Variants in LRBA observed in about 807,000 individuals in gnomAD.
LRBA encodes the protein lipopolysaccharide-responsive and beige-like anchor protein.
A neutral mutation model predicts 330.0 loss-of-function variants in LRBA; 176 were observed. The ratio of observed to expected loss-of-function variants is 0.53; its 90% CI spans 0.47 to 0.60. The LOEUF (loss-of-function observed/expected upper bound fraction) is 0.60, where lower values mean the gene tolerates loss of function less well. Among genes scored for constraint, LRBA ranks in the 20% least tolerant of loss-of-function variants. LRBA has a pLI of 0.00. For missense variants in LRBA, 3,259 were observed against 3,444.8 expected (o/e 0.95, Z 1.35); for synonymous variants, 1,230 against 1,193.0 (o/e 1.03, Z -0.64).
chr4:150,898,739 A>C (rs919524657), intron 14 of LRBA, among the ~76,000 whole-genome samples: 3 of 152,122 alleles, frequency 2.0e-5, no homozygotes, highest in Non-Finnish European at 4.4e-5. Flanking sequence ...GTCACTAATC[A>C]GTTATAAAAG....
At chr4:150,776,182 TG>T (rs1737305068) in intron 34 of LRBA, among the ~76,000 whole-genome samples, 1 of 152,134 alleles carries the variant, frequency 6.6e-6, no homozygotes, top group South Asian at 2.1e-4. Context: ...CTGGGTGCAG[TG>T]GTGCACGCCT....
intron 37 of LRBA, among the ~76,000 whole-genome samples, chr4:150,625,757 T>C (rs1253503469): frequency 6.6e-6 from 1 of 151,508 alleles, no homozygotes; most frequent in Non-Finnish European, 1.5e-5. Context: ...TTGCCCAGGC[T>C]GGAGTGCAGT....
At chr4:150,440,043 A>G (rs1489494273) in intron 44 of LRBA, among the ~76,000 whole-genome samples, 2 of 152,214 alleles carry the variant, frequency 1.3e-5, no homozygotes, top group Non-Finnish European at 2.9e-5. Flanking sequence ...TCTTACTTAT[A>G]TAGTATATTA....
At chr4:150,428,947 C>T (rs1033477972) in intron 46 of LRBA, among the ~76,000 whole-genome samples, 1 of 152,102 alleles carries the variant, frequency 6.6e-6, no homozygotes, top group African/African-American at 2.4e-5. Context: ...CATTTCATCA[C>T]ATTATTAATT....
intron 52 of LRBA, among the ~76,000 whole-genome samples, chr4:150,303,441 G>A (rs1469152099): frequency 1.3e-5 from 2 of 152,182 alleles, no homozygotes; most frequent in Admixed American, 1.3e-4. Context: ...GTGAAATCAA[G>A]ATGGTAATGA....
At chr4:150,566,755 C>A (rs1284620116) in intron 40 of LRBA, among the ~76,000 whole-genome samples, 1 of 152,030 alleles carries the variant, frequency 6.6e-6, no homozygotes, top group Admixed American at 6.6e-5. Flanking sequence ...TACTCACAAT[C>A]AAAATATACA....
intron 2 of LRBA, among the ~76,000 whole-genome samples, chr4:150,930,612 C>T (rs939181939): frequency 1.3e-5 from 2 of 152,114 alleles, no homozygotes; most frequent in African/African-American, 4.8e-5. Context: ...AATTAAAATT[C>T]CATTCAGCAG....
chr4:150,609,929 C>T (rs1351029730), intron 37 of LRBA, among the ~76,000 whole-genome samples: 2 of 152,108 alleles, frequency 1.3e-5, no homozygotes, highest in Non-Finnish European at 2.9e-5. Context: ...ACATGATGAA[C>T]TTGGAAGTAA....
chr4:150,288,986 A>T (rs1366604634), intron 53 of LRBA, among the ~76,000 whole-genome samples: 1 of 152,176 alleles, frequency 6.6e-6, no homozygotes, highest in Non-Finnish European at 1.5e-5. Context: ...GGATGATGTC[A>T]CTTAAGAACA....
intron 47 of LRBA, among the ~76,000 whole-genome samples, chr4:150,350,553 G>A (rs1737001745): frequency 7.2e-6 from 1 of 138,744 alleles, no homozygotes; most frequent in East Asian, 2.0e-4. Context: ...CTGGAAAAGA[G>A]CGAAACTCCA....
chr4:150,761,905 T>C, intron 34 of LRBA, 58 bp from the exon 35 acceptor site: 1 of 854,372 alleles, frequency 1.2e-6, no homozygotes, highest in East Asian at 2.6e-5. Flanking sequence ...TTCTTTCTTT[T>C]AAAACAATAA....
At chr4:151,014,228 C>T (rs1457376244) in intron 2 of LRBA, 199 bp downstream of exon 2, 2 of 527,420 alleles carry the variant, frequency 3.8e-6, no homozygotes. Context: ...TTCACAAAAC[C>T]TGGATCATCT....
At chr4:150,928,007 A>G (rs2149507439) in intron 4 of LRBA, among the ~76,000 whole-genome samples, 1 of 152,328 alleles carries the variant, frequency 6.6e-6, no homozygotes, top group East Asian at 1.9e-4. Flanking sequence ...TGGGACAGAT[A>G]ACTATATGGT....
intron 37 of LRBA, among the ~76,000 whole-genome samples, chr4:150,671,685 GA>G (rs1477315312): frequency 2.0e-5 from 3 of 152,120 alleles, no homozygotes; most frequent in African/African-American, 7.2e-5. Context: ...CTTTACATGA[GA>G]AAACTGAAGA....
At chr4:150,398,809 G>A (rs906851164) in intron 47 of LRBA, among the ~76,000 whole-genome samples, 1 of 151,676 alleles carries the variant, frequency 6.6e-6, no homozygotes, top group African/African-American at 2.4e-5. Flanking sequence ...TTTGTTTTTT[G>A]TAGAGACAGA....
intron 16 of LRBA, 94 bp downstream of exon 16, chr4:150,896,300 A>G (rs1730076458): frequency 1.5e-6 from 1 of 653,628 alleles, no homozygotes; most frequent in African/African-American, 1.9e-5. Flanking sequence ...TTACAGTTAC[A>G]TAATTACTGA....
chr4:150,341,950 TTAAA>T (rs1477975219), intron 48 of LRBA, among the ~76,000 whole-genome samples: 1 of 151,448 alleles, frequency 6.6e-6, no homozygotes, highest in East Asian at 1.9e-4. Flanking sequence ...TGATTATACT[TTAAA>T]TATATTAATT....
chr4:150,382,019 T>A (rs2151890832), intron 47 of LRBA, among the ~76,000 whole-genome samples: 1 of 152,352 alleles, frequency 6.6e-6, no homozygotes. Context: ...TATCTTCTTA[T>A]TCTTGAGTTG....
intron 34 of LRBA, among the ~76,000 whole-genome samples, chr4:150,792,028 C>CAAAAAAAAAA (rs11389573): frequency 4.3e-5 from 2 of 46,326 alleles, no homozygotes; most frequent in Non-Finnish European, 7.1e-5. Flanking sequence ...GGCTCCATCT[C>CAAAAAAAAAA]AAAAAAAAAA....
Sources: gnomAD v4.1 joint callset for allele counts (sites outside exome capture counted in the v4.1 genomes callset) on GRCh38, gnomAD v4.1.1 for gene constraint, MANE v1.5 for transcripts, NCBI Gene and HGNC (gene_info 2026-07-23, HGNC 2026-07-21) for gene names.